Variants in DNAJC13 observed in about 807,000 individuals in gnomAD.
DNAJC13 encodes the protein dnaJ homolog subfamily C member 13.
DNAJC13 carries 75 observed loss-of-function variants against 290.5 expected under a neutral mutation model. That is an observed-to-expected ratio of 0.26 (90% CI 0.21 to 0.31). The LOEUF (loss-of-function observed/expected upper bound fraction) is 0.31, where lower values mean the gene tolerates loss of function less well. Ranked by LOEUF, DNAJC13 falls within the 10% of genes least tolerant of loss-of-function variation. DNAJC13 has a pLI of 1.00. For synonymous variants in DNAJC13, 862 were observed against 892.0 expected (o/e 0.97, Z 0.60); for missense variants, 2,260 against 2,674.5 (o/e 0.85, Z 3.42).
At chr3:132,515,933 T>C (rs1049692829) in intron 46 of DNAJC13, among the ~76,000 whole-genome samples, 6 of 152,190 alleles carry the variant, frequency 3.9e-5, no homozygotes, top group African/African-American at 1.2e-4. Context: ...GCATATAATA[T>C]GGTAGTGACT....
rs978505530 is a variant in DNAJC13, at chr3:132,483,540, A to C, written c.3145A>C (p.Asn1049His). 6.2e-7 allele frequency: 1 copy of C among 1,614,120 alleles called. No individual in the cohort carries two copies. Among genetic ancestry groups the C allele is most frequent in the Non-Finnish European group, 8.5e-7 (1 of 1,179,976 alleles). Residue 1049 changes from asparagine (N) to histidine (H), a missense_variant, in exon 28 of 56, where the codon AAC (asparagine) becomes CAC (histidine). Transcript: ENST00000260818. ...NETDLATLIL[N>H]MLITMCGYFP... The stretch of plus-strand genomic sequence containing the variant: ...AACTGACCTTGCTACCCTTATATTG[A>C]ACATGTTGATCACAATGTGTGGATA...
chr3:132,503,486 G>A lies in DNAJC13; in HGVS notation c.4884+105G>A, dbSNP rs113911937. 2,800 of 1,311,866 alleles carry A rather than the reference G, an allele frequency of 2.1e-3. 32 individuals carry two copies. Among genetic ancestry groups the A allele is most frequent in the East Asian group, 0.02 (848 of 42,888 alleles). 81.3% of individuals were successfully genotyped at this position (1,311,866 alleles called of 1,614,324 possible). On this transcript the variant is annotated intron_variant, in intron 41 of 55. Coordinates refer to ENST00000260818, the MANE Select transcript of DNAJC13 (RefSeq NM_015268.4). ...TCTAGGGAACCTAAAAATTAAGAACGTTCACATGTTTGTTCTCTCAAGCAA... is the reference window on the plus strand; with the variant it reads ...TCTAGGGAACCTAAAAATTAAGAACATTCACATGTTTGTTCTCTCAAGCAA...
intron 15 of DNAJC13, 120 bp from the exon 16 acceptor site, chr3:132,462,347 T>C (rs1389874100): frequency 3.5e-6 from 3 of 861,516 alleles, no homozygotes; most frequent in Non-Finnish European, 5.4e-6. Context: ...ATGTATCCTT[T>C]ACTAATTTTG....
intron 44 of DNAJC13, among the ~76,000 whole-genome samples, chr3:132,512,356 C>G (rs1935801678): frequency 6.6e-6 from 1 of 152,162 alleles, no homozygotes; most frequent in African/African-American, 2.4e-5. Context: ...AGAATATTCT[C>G]AGACTCTTTA....
chr3:132,471,322 G>A (rs1481715804), intron 20 of DNAJC13, among the ~76,000 whole-genome samples: 3 of 145,938 alleles, frequency 2.1e-5, no homozygotes, highest in Non-Finnish European at 4.6e-5. Context: ...CCCGGACGGG[G>A]CGGCTGGCCG....
Position 132,520,966 on chromosome 3 carries a change from G to A in DNAJC13, c.5674-1862G>A, listed in dbSNP as rs1276162603. Among the ~76,000 whole-genome samples, 5 of 152,162 alleles carry A rather than the reference G, an allele frequency of 3.3e-5. No homozygotes were observed. In the East Asian group the frequency reaches 9.6e-4, roughly 29 times the overall value. On this transcript the variant is annotated intron_variant, in intron 48 of 55. Transcript: ENST00000260818. ...TTTTAAAATAGGTTAGTTATTAGGA[G>A]TTCTTTTAAATACTAGTCTATAATG...
chr3:132,436,692 T>C lies in DNAJC13; in HGVS notation c.68+2074T>C, dbSNP rs576517004. ...TCCATATCCTTATCAACACTTATTGTCTTTTTTATTTTAGCCATCCTAGTG... is the reference window on the plus strand; with the variant it reads ...TCCATATCCTTATCAACACTTATTGCCTTTTTTATTTTAGCCATCCTAGTG... On this transcript the variant is annotated intron_variant, in intron 2 of 55. Coordinates refer to ENST00000260818, the MANE Select transcript of DNAJC13 (RefSeq NM_015268.4). Among the ~76,000 whole-genome samples, 22 of 152,312 alleles carry C rather than the reference T, an allele frequency of 1.4e-4. No homozygotes were observed. The South Asian group carries it at 4.6e-3, about 32-fold the overall frequency.
intron 16 of DNAJC13, 55 bp downstream of exon 16, chr3:132,462,578 A>G: frequency 7.6e-7 from 1 of 1,313,914 alleles, no homozygotes; most frequent in Non-Finnish European, 1.1e-6. Flanking sequence ...AGGCTGTTTT[A>G]ATTGAAGTTG....
chr3:132,536,991 C>T (rs1181859950), intron 55 of DNAJC13, among the ~76,000 whole-genome samples: 1 of 152,186 alleles, frequency 6.6e-6, no homozygotes, highest in African/African-American at 2.4e-5. Context: ...CTATACAAGC[C>T]ATTTCACATC....
intron 1 of DNAJC13, among the ~76,000 whole-genome samples, chr3:132,430,082 C>G (rs1184310787): frequency 6.6e-6 from 1 of 152,066 alleles, no homozygotes; most frequent in African/African-American, 2.4e-5. Context: ...TTCTAATAGG[C>G]CAGGTCATTG....
intron 1 of DNAJC13, among the ~76,000 whole-genome samples, chr3:132,431,908 GGGTGATGCAAGTGTTCCGAAAATAGT>G (rs1939248476): frequency 6.6e-6 from 1 of 152,134 alleles, no homozygotes. Context: ...TTTCTTACTG[GGGTGATGCAAGTGTTCCGAAAATAGT>G]GGTGATGGTT....
chr3:132,452,311 A>G (rs950553349), intron 6 of DNAJC13, among the ~76,000 whole-genome samples: 1 of 152,244 alleles, frequency 6.6e-6, no homozygotes, highest in African/African-American at 2.4e-5. Flanking sequence ...AAATGAATCA[A>G]TTCACTATAA....
intron 1 of DNAJC13, among the ~76,000 whole-genome samples, chr3:132,433,202 A>T (rs1218196933): frequency 1.3e-5 from 2 of 152,134 alleles, no homozygotes; most frequent in Non-Finnish European, 2.9e-5. Flanking sequence ...TAGATTTCTT[A>T]CTGTGGACCT....
chr3:132,499,655 A>C (rs1481302229), intron 37 of DNAJC13, 79 bp from the exon 38 acceptor site: 1 of 1,173,842 alleles, frequency 8.5e-7, no homozygotes, highest in East Asian at 2.4e-5. Context: ...AGGGTTATTT[A>C]TATTTTATTA....
At chr3:132,441,770 A>G (rs1337360458) in intron 2 of DNAJC13, among the ~76,000 whole-genome samples, 2 of 152,234 alleles carry the variant, frequency 1.3e-5, no homozygotes, top group Non-Finnish European at 2.9e-5. Flanking sequence ...CCTGATTGAT[A>G]GAAGCTAGTT....
rs1205640586 is a variant in DNAJC13, at chr3:132,478,150, T to C, written c.2709+10T>C. The C allele has an allele frequency of 1.3e-6, 2 of 1,584,742 alleles. No individual in the cohort carries two copies. The highest frequency in any genetic ancestry group is 2.3e-5 in the South Asian group (2 of 85,524). On this transcript the variant is annotated intron_variant, in intron 24 of 55. Coordinates refer to ENST00000260818, the MANE Select transcript of DNAJC13 (RefSeq NM_015268.4). ...TGGAATGTTAGAGAGGGTAAGGATA[T>C]CATTTAAGGAAATTACTATTTGATA...
intron 27 of DNAJC13, 105 bp downstream of exon 27, chr3:132,482,435 C>T (rs1934710086): frequency 3.7e-6 from 3 of 801,796 alleles, no homozygotes; most frequent in East Asian, 2.8e-5. Flanking sequence ...CATTTAAATT[C>T]CTGTTATTAG....
At chr3:132,455,123 A>T (rs983833515) in intron 9 of DNAJC13, among the ~76,000 whole-genome samples, 1 of 152,200 alleles carries the variant, frequency 6.6e-6, no homozygotes, top group South Asian at 2.1e-4. Flanking sequence ...GCATATAGCT[A>T]ATAAAGGTTT....
chr3:132,488,152 G>T (rs543468334), intron 29 of DNAJC13, 146 bp from the exon 30 acceptor site: 25 of 559,824 alleles, frequency 4.5e-5, no homozygotes, highest in African/African-American at 4.3e-4. Flanking sequence ...TCTGTTGTGG[G>T]TCTGGTAGAT....
Sources: gnomAD v4.1 joint callset for allele counts (sites outside exome capture counted in the v4.1 genomes callset) on GRCh38, gnomAD v4.1.1 for gene constraint, MANE v1.5 for transcripts, NCBI Gene and HGNC (gene_info 2026-07-23, HGNC 2026-07-21) for gene names.